MTRES1: variants seen among roughly 807,000 people sequenced by gnomAD.
MTRES1 encodes the protein uncharacterized protein C6orf203.
A neutral mutation model predicts 17.4 loss-of-function variants in MTRES1; 11 were observed. The ratio of observed to expected loss-of-function variants is 0.63; its 90% CI spans 0.40 to 1.05. The LOEUF (loss-of-function observed/expected upper bound fraction) is 1.05. Among genes scored for constraint, MTRES1 ranks in the 50% least tolerant of loss-of-function variants. MTRES1 has a pLI of 0.00. For synonymous variants in MTRES1, 94 were observed against 99.6 expected, an observed-to-expected ratio of 0.94 and a Z score of 0.34; for missense variants, 268 against 276.2, an observed-to-expected ratio of 0.97 and a Z score of 0.21.
At chr6:107,047,842 C>T (rs891465638) in intron 3 of MTRES1, among the ~76,000 whole-genome samples, 4 of 151,862 alleles carry the variant, frequency 2.6e-5, no homozygotes, top group Non-Finnish European at 5.9e-5. Context: ...GCCAAGATCG[C>T]GCCATTGCAC....
chr6:107,043,070 G>A (rs1381735321), intron 2 of MTRES1, among the ~76,000 whole-genome samples: 2 of 152,128 alleles, frequency 1.3e-5, no homozygotes, highest in Non-Finnish European at 2.9e-5. Flanking sequence ...GGTGGCTCAC[G>A]CCTGTAATCC....
Position 107,039,839 on chromosome 6 carries a change from C to T in MTRES1, c.79C>T (p.Arg27Ter), listed in dbSNP as rs1554227380. The change falls in exon 2 of 4, where the codon CGA (arginine) becomes TGA (stop). Residue 27 changes from arginine to a stop codon, truncating the protein, a stop_gained. Transcript: ENST00000311381. LOFTEE classifies it high-confidence loss of function. ...DAWIGLWGVL[R>*]GTPSSYKLCT... The stretch of plus-strand genomic sequence containing the variant: ...CTGGATTGGACTCTGGGGTGTTCTC[C>T]GAGGGACACCTTCATCATACAAACT... The T allele has an allele frequency of 2.5e-6, 4 of 1,614,084 alleles. No homozygotes were observed. Among genetic ancestry groups the T allele is most frequent in the East Asian group, 2.2e-5 (1 of 44,884 alleles).
chr6:107,033,924 G>A lies in MTRES1; in HGVS notation c.-13+5653G>A, dbSNP rs1428773933. ...TACAAATGGTCATCATCTCCAGCAA[G>A]AATTAGCTTAATGTGTTTCCTCAAT... On this transcript the variant is annotated intron_variant, in intron 1 of 3. Coordinates refer to ENST00000311381, the MANE Select transcript of MTRES1 (RefSeq NM_016487.5). Among the ~76,000 whole-genome samples, 4 of 152,302 alleles carry A rather than the reference G, an allele frequency of 2.6e-5. No homozygotes were observed. The East Asian group carries it at 7.7e-4, about 29-fold the overall frequency.
At chr6:107,045,432 C>T (rs576603444) in intron 3 of MTRES1, among the ~76,000 whole-genome samples, 5 of 151,388 alleles carry the variant, frequency 3.3e-5, no homozygotes, top group African/African-American at 9.7e-5. Context: ...TGCAGTGAGC[C>T]GAGATCGTGC....
chr6:107,040,266 G>C, intron 2 of MTRES1, 36 bp downstream of exon 2: 1 of 1,536,390 alleles, frequency 6.5e-7, no homozygotes, highest in Non-Finnish European at 8.7e-7. Context: ...AAACTCGCTC[G>C]TAGTCATGTT....
chr6:107,050,702 G>A (rs531697261), intron 3 of MTRES1, among the ~76,000 whole-genome samples: 4 of 151,782 alleles, frequency 2.6e-5, no homozygotes, highest in East Asian at 1.9e-4. Flanking sequence ...ACAGCCTTCC[G>A]AGTATTTGGG....
At chr6:107,037,099 G>GT (rs1157255239) in intron 1 of MTRES1, among the ~76,000 whole-genome samples, 8 of 151,560 alleles carry the variant, frequency 5.3e-5, no homozygotes, top group African/African-American at 1.9e-4. Flanking sequence ...TAAAAAAAAA[G>GT]TTTTTTTAAT....
chr6:107,050,636 A>G (rs1158058837), intron 3 of MTRES1, among the ~76,000 whole-genome samples: 1 of 138,002 alleles, frequency 7.2e-6, no homozygotes, highest in Non-Finnish European at 1.5e-5. Context: ...GCATGCAGTG[A>G]CATGATCTTG....
In MTRES1 at chr6:107,040,210, G is replaced by T. The variant is rs782488201; in HGVS notation, c.450G>T (p.Thr150=). The T allele has an allele frequency of 6.3e-7, 1 of 1,591,598 alleles. No homozygotes were observed. Among genetic ancestry groups the T allele is most frequent in the African/African-American group, 1.4e-5 (1 of 73,452 alleles). The change falls in exon 2 of 4, where the codon ACG becomes ACT. Residue 150 remains threonine, a synonymous_variant. Transcript: ENST00000311381. ...TTCGGTATGATGTTGTCCTGAAGAC[G>T]GGGCTAGATATTGGGAGAAAGTGAG... ...QSFRYDVVLK[T]GLDIGRNKVE... is the part of the protein sequence containing the mutation.
At chr6:107,036,222 T>C (rs1554226917) in intron 1 of MTRES1, among the ~76,000 whole-genome samples, 1 of 152,102 alleles carries the variant, frequency 6.6e-6, no homozygotes, top group East Asian at 1.9e-4. Flanking sequence ...GTTGATTTCT[T>C]ATAATGCAAA....
chr6:107,045,369 A>G (rs546126866), intron 3 of MTRES1, among the ~76,000 whole-genome samples: 90 of 152,196 alleles, frequency 5.9e-4, no homozygotes, highest in African/African-American at 2.1e-3. Context: ...CTGTAGTCCC[A>G]GCTACTTGGG....
In MTRES1 at chr6:107,040,868, G is replaced by GA. The variant is rs782600150; in HGVS notation, c.470+651dup. On this transcript the variant is annotated intron_variant, in intron 2 of 3. Coordinates refer to ENST00000311381, the MANE Select transcript of MTRES1 (RefSeq NM_016487.5). ...TGGGTAACAGAGTGAGACTCCATCT[G>GA]AAAAAAAAAAAAAGAGGTACCTCTT... 4.4e-3 allele frequency: 552 copies of GA among 124,702 alleles called. 5 individuals carry two copies. Among genetic ancestry groups the GA allele is most frequent in the African/African-American group, 9.8e-3 (332 of 34,032 alleles). The allele number at this position is 124,702 out of a possible 1,614,324, so 7.7% of individuals were successfully genotyped here. A position where few individuals can be genotyped will look rare whatever the true frequency, so the allele number is the denominator to read the frequency against.
intron 1 of MTRES1, among the ~76,000 whole-genome samples, chr6:107,032,360 GCA>G (rs1773873237): frequency 6.6e-6 from 1 of 152,274 alleles, no homozygotes; most frequent in Admixed American, 6.5e-5. Flanking sequence ...GACTGCCAGG[GCA>G]CACATGTAAA....
chr6:107,041,119 G>A (rs1562281708), intron 2 of MTRES1, among the ~76,000 whole-genome samples: 1 of 149,302 alleles, frequency 6.7e-6, no homozygotes, highest in African/African-American at 2.5e-5. Flanking sequence ...CCAGCTACTC[G>A]GAGGCTGAGG....
At chr6:107,047,978 C>T (rs992263961) in intron 3 of MTRES1, among the ~76,000 whole-genome samples, 2 of 152,066 alleles carry the variant, frequency 1.3e-5, no homozygotes, top group East Asian at 1.9e-4. Flanking sequence ...GAGGGAGTGT[C>T]GTTGAGCCCA....
intron 2 of MTRES1, among the ~76,000 whole-genome samples, chr6:107,043,506 C>A (rs1428498141): frequency 9.2e-5 from 14 of 152,132 alleles, no homozygotes; most frequent in Admixed American, 9.2e-4. Flanking sequence ...AACTTAACTA[C>A]TAATATAGCC....
chr6:107,050,822 C>T (rs1582623730), intron 3 of MTRES1, among the ~76,000 whole-genome samples: 1 of 152,100 alleles, frequency 6.6e-6, no homozygotes, highest in African/African-American at 2.4e-5. Context: ...GGTGATCCAC[C>T]GAGCTTGGCC....
chr6:107,044,137 A>G (rs1774312457), intron 2 of MTRES1, 123 bp from the exon 3 acceptor site: 1 of 662,958 alleles, frequency 1.5e-6, no homozygotes, highest in African/African-American at 1.9e-5. Flanking sequence ...ACAAACAAAA[A>G]AAATAGATTT....
intron 1 of MTRES1, 159 bp downstream of exon 1, chr6:107,028,430 C>G (rs919247428): frequency 3.9e-5 from 6 of 152,324 alleles, no homozygotes; most frequent in Admixed American, 2.6e-4. Flanking sequence ...TGCGCAGGGA[C>G]TGTGGTAATT....
Sources: allele counts gnomAD v4.1 joint callset (sites outside exome capture counted in the v4.1 genomes callset), GRCh38; gene constraint gnomAD v4.1.1; transcripts MANE v1.5; gene names NCBI Gene and HGNC (gene_info 2026-07-23, HGNC 2026-07-21).